DNA2: variants seen among roughly 807,000 people sequenced by gnomAD.
DNA2 encodes the protein DNA replication helicase/nuclease 2.
DNA2 carries 101 observed loss-of-function variants against 119.1 expected under a neutral mutation model. That is an observed-to-expected ratio of 0.85 (90% CI 0.72 to 1.00). The LOEUF is 1.00. Among genes scored for constraint, DNA2 ranks in the 50% least tolerant of loss-of-function variants. The pLI, the probability that DNA2 is intolerant of heterozygous loss-of-function variation, is 0.00. For missense variants in DNA2, 1,121 were observed against 1,255.5 expected, an observed-to-expected ratio of 0.89 and a Z score of 1.62; for synonymous variants, 366 against 424.4, an observed-to-expected ratio of 0.86 and a Z score of 1.69.
At chr10:68,465,626 A>T in intron 4 of DNA2, 41 bp downstream of exon 4, 1 of 1,419,172 alleles carries the variant, frequency 7.0e-7, no homozygotes, top group African/African-American at 1.4e-5. Flanking sequence ...CAGAAGTTAT[A>T]TAATAAAATT....
At chr10:68,420,135 C>T (rs1317600570) in intron 17 of DNA2, among the ~76,000 whole-genome samples, 1 of 152,240 alleles carries the variant, frequency 6.6e-6, no homozygotes, top group African/African-American at 2.4e-5. Context: ...GCTGATCACA[C>T]ACTGAGCTTC....
At chr10:68,440,585 C>G (rs1174046812) in intron 9 of DNA2, among the ~76,000 whole-genome samples, 1 of 151,936 alleles carries the variant, frequency 6.6e-6, no homozygotes, top group African/African-American at 2.4e-5. Flanking sequence ...GCGTGAGCCA[C>G]CTTGCCCAGC....
intron 14 of DNA2, among the ~76,000 whole-genome samples, chr10:68,425,937 C>T (rs2051735043): frequency 6.6e-6 from 1 of 151,378 alleles, no homozygotes; most frequent in South Asian, 2.1e-4. Flanking sequence ...GAGTTCAAGA[C>T]CAGCCTGGCC....
intron 14 of DNA2, among the ~76,000 whole-genome samples, chr10:68,429,099 A>T (rs2051781517): frequency 6.6e-6 from 1 of 152,306 alleles, no homozygotes; most frequent in East Asian, 1.9e-4. Context: ...CAGATATTAG[A>T]CAAAAATATG....
At position 68,437,191 on chromosome 10, in the gene DNA2, T is replaced by C. The variant is rs1246590698; in HGVS notation, c.1466A>G (p.Lys489Arg). Residue 489 changes from lysine to arginine, a missense_variant, in exon 10 of 21, where the codon AAG (lysine) becomes AGG (arginine). Physicochemically the swap from Lys to Arg is conservative, Grantham distance 26. Transcript: ENST00000358410. Reference protein sequence around the residue: ...IGNLIRMEHVKIVCDGQYLHN... With the variant: ...IGNLIRMEHVRIVCDGQYLHN... ...TAAATATTGCCCATCACAAACTATC[T>C]TTACATGTTCCATTCTAATCAGGTT... The C allele has an allele frequency of 6.8e-6, 11 of 1,613,196 alleles. No homozygotes were observed. Among genetic ancestry groups the C allele is most frequent in the Non-Finnish European group, 9.3e-6 (11 of 1,179,344 alleles).
Position 68,468,167 on chromosome 10 carries a change from T to C in DNA2, c.397A>G (p.Ser133Gly), listed in dbSNP as rs750478736. ...MLISGTSIASSIRCMRRAVLS... is the reference protein window; with the variant it reads ...MLISGTSIASGIRCMRRAVLS... ...ACAGCTCTTCTCATACATCGAATACTACTGGCTATGCTGGTGCCAGAAATC... is the reference window on the plus strand; with the variant it reads ...ACAGCTCTTCTCATACATCGAATACCACTGGCTATGCTGGTGCCAGAAATC... The change falls in exon 3 of 21, where the codon AGT (serine) becomes GGT (glycine). Residue 133 changes from serine to glycine, a missense_variant. Coordinates refer to ENST00000358410, the MANE Select transcript of DNA2 (RefSeq NM_001080449.3). The C allele has an allele frequency of 1.2e-6, 2 of 1,610,602 alleles. No homozygotes were observed. Among genetic ancestry groups the C allele is most frequent in the Non-Finnish European group, 1.7e-6 (2 of 1,178,802 alleles).
chr10:68,469,414 T>C (rs2052361997), intron 2 of DNA2, among the ~76,000 whole-genome samples: 1 of 146,770 alleles, frequency 6.8e-6, no homozygotes, highest in Non-Finnish European at 1.5e-5. Flanking sequence ...AAAAAAAGAA[T>C]GTACTGGGAA....
In DNA2 at chr10:68,418,328, C is replaced by T. The variant is rs577182488; in HGVS notation, c.2967+706G>A. Among the ~76,000 whole-genome samples the T allele has an allele frequency of 1.3e-4, 20 of 151,156 alleles. No homozygotes were observed. In the South Asian group the frequency reaches 4.2e-3, roughly 32 times the overall value. On this transcript the variant is annotated intron_variant, in intron 19 of 20. Coordinates refer to ENST00000358410, the MANE Select transcript of DNA2 (RefSeq NM_001080449.3). The stretch of plus-strand genomic sequence containing the variant: ...TTGGGAGGCTGAGACGGAAGAGTCA[C>T]TTGAACCTGGGAGGCGAAGGTTGCA...
At chr10:68,440,133 G>A (rs890970265) in intron 9 of DNA2, among the ~76,000 whole-genome samples, 6 of 151,680 alleles carry the variant, frequency 4.0e-5, no homozygotes, top group African/African-American at 1.2e-4. Flanking sequence ...GCAAAACCCC[G>A]TCTCTACTAA....
chr10:68,464,807 C>T (rs1292021982), intron 4 of DNA2, among the ~76,000 whole-genome samples: 1 of 98,438 alleles, frequency 1.0e-5, no homozygotes, highest in Admixed American at 1.7e-4. Flanking sequence ...CCAGCCTGGA[C>T]AACAAGAGCG....
At chr10:68,435,639 A>G (rs2051879193) in intron 10 of DNA2, among the ~76,000 whole-genome samples, 1 of 151,126 alleles carries the variant, frequency 6.6e-6, no homozygotes, top group African/African-American at 2.4e-5. Context: ...TTGTATTTTT[A>G]GTAGAGACGG....
rs762749916 is a variant in DNA2, at chr10:68,471,911, C to CG, written c.-48dup. 582 of 1,613,806 alleles carry CG rather than the reference C, an allele frequency of 3.6e-4. No individual in the cohort carries two copies. The highest frequency in any genetic ancestry group is 4.7e-4 in the Non-Finnish European group (551 of 1,179,742). On this transcript the variant is annotated 5_prime_UTR_variant, in exon 1 of 21. Transcript: ENST00000358410. ...CTGTAGACAGAAAAGACAGCGGAACCGGGGGTAACACAGAAAGCTTAGAAA... is the reference window on the plus strand; with the variant it reads ...CTGTAGACAGAAAAGACAGCGGAACCGGGGGGTAACACAGAAAGCTTAGAAA...
chr10:68,417,391 C>A lies in DNA2; in HGVS notation c.2968-536G>T, dbSNP rs867994579. ...TAAGGAGAGGTAAAAATAAGAAAAC[C>A]AAAAAAAAAAAAAAAAAAAAACACT... On this transcript the variant is annotated intron_variant, in intron 19 of 20. Transcript: ENST00000358410. 6.3e-3 allele frequency among the ~76,000 whole-genome samples: 487 copies of A among 77,466 alleles called. 7 individuals carry two copies. Among genetic ancestry groups the A allele is most frequent in the African/African-American group, 0.02 (369 of 18,662 alleles). 50.8% of individuals were successfully genotyped at this position (77,466 alleles called of 152,430 possible).
At position 68,437,212 on chromosome 10, in the gene DNA2, A is replaced by G; in HGVS notation, c.1445T>C (p.Leu482Pro). Residue 482 changes from leucine to proline, a missense_variant, in exon 10 of 21, where the codon CTG becomes CCG. Physicochemically the swap from Leu to Pro is moderately conservative, Grantham distance 98. Coordinates refer to ENST00000358410, the MANE Select transcript of DNA2 (RefSeq NM_001080449.3). ...MEKSGSCIGN[L>P]IRMEHVKIVC... ...TATCTTTACATGTTCCATTCTAATC[A>G]GGTTTCCAATGCAACTGCCACTCTT... 6.2e-7 allele frequency: 1 copy of G among 1,607,584 alleles called. No individual in the cohort carries two copies. Among genetic ancestry groups the G allele is most frequent in the Non-Finnish European group, 8.5e-7 (1 of 1,174,890 alleles).
At chr10:68,437,441 G>C (rs1414783800) in intron 9 of DNA2, among the ~76,000 whole-genome samples, 200 bp from the exon 10 acceptor site, 2 of 151,182 alleles carry the variant, frequency 1.3e-5, no homozygotes, top group East Asian at 3.9e-4. Flanking sequence ...TTCAAGACCA[G>C]CCTGGCCAAC....
At chr10:68,430,305 T>C (rs111473897) in intron 14 of DNA2, 131 bp downstream of exon 14, 7 of 661,740 alleles carry the variant, frequency 1.1e-5, no homozygotes, top group African/African-American at 5.5e-5. Flanking sequence ...AATAAACTGG[T>C]CGTATAGTAC....
intron 1 of DNA2, chr10:68,470,655 T>C: frequency 2.3e-6 from 1 of 428,218 alleles, no homozygotes; most frequent in Non-Finnish European, 4.6e-6. Flanking sequence ...TGGACAACAT[T>C]AAACAAGAAA....
chr10:68,419,385 C>T (rs1439157884), intron 18 of DNA2, 172 bp from the exon 19 acceptor site: 3 of 577,942 alleles, frequency 5.2e-6, no homozygotes, highest in Non-Finnish European at 5.8e-6. Context: ...TCCATATTTC[C>T]CAGGATGAAA....
chr10:68,430,165 G>C (rs916534597), intron 14 of DNA2, among the ~76,000 whole-genome samples: 1 of 152,024 alleles, frequency 6.6e-6, no homozygotes, highest in Non-Finnish European at 1.5e-5. Context: ...GATTACAAGC[G>C]TAAGCCATCG....
Sources: gnomAD v4.1 joint callset for allele counts (sites outside exome capture counted in the v4.1 genomes callset) on GRCh38, gnomAD v4.1.1 for gene constraint, MANE v1.5 for transcripts, NCBI Gene and HGNC (gene_info 2026-07-23, HGNC 2026-07-21) for gene names.